Variants in CYRIA observed in about 807,000 individuals in gnomAD.
CYRIA encodes CYFIP-related Rac1 interactor A.
Under a neutral mutation model 43.9 loss-of-function variants are expected in CYRIA, and 15 were observed. That is an observed-to-expected ratio of 0.34 (90% CI 0.23 to 0.53). CYRIA has a LOEUF of 0.53. Among genes scored for constraint, CYRIA ranks in the 20% least tolerant of loss-of-function variants. The probability of loss-of-function intolerance (pLI) is 0.94; values close to 1 mark genes in which losing one functional copy is unlikely to be tolerated. For synonymous variants in CYRIA, 117 were observed against 136.0 expected (o/e 0.86, Z 0.97); for missense variants, 236 against 394.2 (o/e 0.60, Z 3.40).
At chr2:16,642,869 C>G (rs888077232) in intron 1 of CYRIA, among the ~76,000 whole-genome samples, 12 of 152,140 alleles carry the variant, frequency 7.9e-5, no homozygotes, top group African/African-American at 2.9e-4. Context: ...CCCTTTTCAA[C>G]TGCAATGGCC....
intron 1 of CYRIA, among the ~76,000 whole-genome samples, chr2:16,631,090 A>G (rs1277919249): frequency 6.6e-6 from 1 of 152,128 alleles, no homozygotes; most frequent in Non-Finnish European, 1.5e-5. Context: ...CTACTGTCAG[A>G]TCCTCAGATA....
intron 1 of CYRIA, among the ~76,000 whole-genome samples, chr2:16,631,976 G>A (rs937424139): frequency 7.9e-5 from 12 of 152,288 alleles, no homozygotes; most frequent in Non-Finnish European, 1.2e-4. Flanking sequence ...GTCACATGGC[G>A]AACACCCCCT....
chr2:16,565,496 G>T, intron 4 of CYRIA, 150 bp downstream of exon 4: 3 of 980,020 alleles, frequency 3.1e-6, no homozygotes, highest in Non-Finnish European at 4.1e-6. Context: ...CATGCATTTT[G>T]TTTTTAAGGA....
At chr2:16,657,482 T>G (rs1031344025) in intron 1 of CYRIA, among the ~76,000 whole-genome samples, 25 of 68,802 alleles carry the variant, frequency 3.6e-4, no homozygotes, top group Non-Finnish European at 5.6e-4. Context: ...TTTTTGTTGT[T>G]TTTTTTTTTT....
chr2:16,604,985 A>G (rs1349785352), intron 2 of CYRIA, among the ~76,000 whole-genome samples: 1 of 152,254 alleles, frequency 6.6e-6, no homozygotes, highest in Non-Finnish European at 1.5e-5. Flanking sequence ...TTTTAACACT[A>G]CAAGTAATGG....
At chr2:16,639,185 G>A (rs902650637) in intron 1 of CYRIA, among the ~76,000 whole-genome samples, 2 of 152,182 alleles carry the variant, frequency 1.3e-5, no homozygotes, top group Admixed American at 6.5e-5. Flanking sequence ...GCTCGTCCTC[G>A]TCTCCCATGT....
rs1035335392 is a variant in CYRIA, at chr2:16,551,197, T to C, written c.*1739A>G. On this transcript the variant is annotated 3_prime_UTR_variant, in exon 12 of 12. Coordinates refer to ENST00000381323, the MANE Select transcript of CYRIA (RefSeq NM_030797.4). ...TTGCTAAAACAACATAAGACAAGTA[T>C]TTTTTCCCCTTTATTGGAGGATCCA... is the stretch of plus-strand genomic sequence containing the variant. 1.3e-5 allele frequency: 2 copies of C among 152,142 alleles called. No individual in the cohort carries two copies. The highest frequency in any genetic ancestry group is 4.8e-5 in the African/African-American group (2 of 41,428). 9.4% of individuals were successfully genotyped at this position (152,142 alleles called of 1,614,324 possible). A position where few individuals can be genotyped will look rare whatever the true frequency, so the allele number is the denominator to read the frequency against.
At chr2:16,560,592 G>A in intron 9 of CYRIA, 1 of 191,866 alleles carries the variant, frequency 5.2e-6, no homozygotes. Flanking sequence ...GAAAGAGAGA[G>A]ACCTCCATTT....
In CYRIA at chr2:16,665,707, C is replaced by A. The variant is rs187433142; in HGVS notation, c.-167+73G>T. On this transcript the variant is annotated intron_variant, in intron 1 of 11. Coordinates refer to ENST00000381323, the MANE Select transcript of CYRIA (RefSeq NM_030797.4). Reference sequence around the variant, plus strand: ...CGCCTCGCGGTGCCCCGCGGTGCCCCGTGCAGGCCGAGCCCCGCGCCCGCA... The same window carrying A: ...CGCCTCGCGGTGCCCCGCGGTGCCCAGTGCAGGCCGAGCCCCGCGCCCGCA... 9.3e-3 allele frequency: 1,390 copies of A among 149,098 alleles called. 15 individuals are homozygous for A. Among genetic ancestry groups the A allele is most frequent in the African/African-American group, 0.028 (1,160 of 41,018 alleles). 9.2% of individuals were successfully genotyped at this position (149,098 alleles called of 1,614,324 possible).
At chr2:16,622,432 C>G (rs1358460305) in intron 2 of CYRIA, among the ~76,000 whole-genome samples, 1 of 152,164 alleles carries the variant, frequency 6.6e-6, no homozygotes, top group Non-Finnish European at 1.5e-5. Flanking sequence ...TATTTGTGGA[C>G]AAGGCCTGTC....
intron 9 of CYRIA, among the ~76,000 whole-genome samples, chr2:16,560,434 T>C (rs1262361122): frequency 1.3e-5 from 2 of 152,130 alleles, no homozygotes; most frequent in Non-Finnish European, 2.9e-5. Flanking sequence ...GGCCAGTTAT[T>C]TACAGGCATA....
intron 3 of CYRIA, among the ~76,000 whole-genome samples, chr2:16,568,035 CAGTA>C (rs1298690338): frequency 1.8e-4 from 27 of 151,948 alleles, no homozygotes; most frequent in Non-Finnish European, 3.5e-4. Context: ...CTACTGGAGA[CAGTA>C]AGGGAAAAAG....
chr2:16,610,897 CATATATATATATATATATATATATATAT>C lies in CYRIA; in HGVS notation c.-11+12939_-11+12966del, dbSNP rs60848949. On this transcript the variant is annotated intron_variant, in intron 2 of 11. Coordinates refer to ENST00000381323, the MANE Select transcript of CYRIA (RefSeq NM_030797.4). ...TAGGATTGACTTCTTTTAGTCCCAA[CATATATATATATATATATATATATATAT>C]ATATATATATATCCTGTATATCTTG... Among the ~76,000 whole-genome samples the C allele has an allele frequency of 1.4e-4, 13 of 92,594 alleles. No homozygotes were observed. In the East Asian group the frequency reaches 2.0e-3, roughly 14 times the overall value. 60.7% of individuals were successfully genotyped at this position (92,594 alleles called of 152,430 possible).
At chr2:16,617,437 C>A (rs1485575427) in intron 2 of CYRIA, among the ~76,000 whole-genome samples, 2 of 152,222 alleles carry the variant, frequency 1.3e-5, no homozygotes, top group East Asian at 1.9e-4. Context: ...GGCCAAAACC[C>A]CCTGCCAAGC....
chr2:16,588,236 G>C, intron 2 of CYRIA, 107 bp from the exon 3 acceptor site: 9 of 624,030 alleles, frequency 1.4e-5, no homozygotes, highest in Non-Finnish European at 2.2e-5. Context: ...CAGAAAGAGA[G>C]CATCTCCAAC....
At chr2:16,607,453 T>C (rs907565687) in intron 2 of CYRIA, among the ~76,000 whole-genome samples, 6 of 152,204 alleles carry the variant, frequency 3.9e-5, no homozygotes, top group Non-Finnish European at 8.8e-5. Flanking sequence ...GTAAATTTTT[T>C]ACTTGGTATG....
chr2:16,559,951 A>ATTT (rs1199101198), intron 9 of CYRIA, among the ~76,000 whole-genome samples: 1 of 152,184 alleles, frequency 6.6e-6, no homozygotes, highest in Non-Finnish European at 1.5e-5. Context: ...GAGAAAAAGA[A>ATTT]TTAGGCTCAT....
chr2:16,633,413 T>TATTC (rs1669388182), intron 1 of CYRIA, among the ~76,000 whole-genome samples: 1 of 151,936 alleles, frequency 6.6e-6, no homozygotes, highest in African/African-American at 2.4e-5. Context: ...GACTTTTATT[T>TATTC]ATTTATTTAT....
chr2:16,593,693 T>A (rs1389595439), intron 2 of CYRIA, among the ~76,000 whole-genome samples: 4 of 123,850 alleles, frequency 3.2e-5, no homozygotes, highest in Non-Finnish European at 6.5e-5. Flanking sequence ...TTTTTGTGTG[T>A]GTGTGTTTTT....
Sources: allele counts gnomAD v4.1 joint callset (sites outside exome capture counted in the v4.1 genomes callset), GRCh38; gene constraint gnomAD v4.1.1; transcripts MANE v1.5; gene names NCBI Gene and HGNC (gene_info 2026-07-23, HGNC 2026-07-21).